The following R3HCC1L variants were observed in gnomAD, a reference collection of about 807,000 sequenced individuals.
R3HCC1L encodes the protein R3H domain and coiled-coil containing 1 like.
R3HCC1L carries 51 observed loss-of-function variants against 59.9 expected under a neutral mutation model. The observed-to-expected ratio is 0.85, with a 90% CI of 0.68 to 1.07. The LOEUF (loss-of-function observed/expected upper bound fraction) is 1.07. Ranked by LOEUF, R3HCC1L falls within the 50% of genes least tolerant of loss-of-function variation. The pLI is 0.00. For missense variants in R3HCC1L, 965 were observed against 933.0 expected (o/e 1.03, Z -0.45); for synonymous variants, 322 against 315.2 (o/e 1.02, Z -0.23).
chr10:98,171,030 T>C (rs1216601868), intron 4 of R3HCC1L, among the ~76,000 whole-genome samples: 1 of 152,194 alleles, frequency 6.6e-6, no homozygotes, highest in African/African-American at 2.4e-5. Context: ...CACACTTAAT[T>C]ATTTGTGGCC....
At position 98,209,533 on chromosome 10, in the gene R3HCC1L, A is replaced by G; in HGVS notation, c.1419A>G (p.Leu473=). The G allele has an allele frequency of 6.2e-7, 1 of 1,613,840 alleles. No homozygotes were observed. Among genetic ancestry groups the G allele is most frequent in the South Asian group, 1.1e-5 (1 of 91,086 alleles). The part of the protein sequence containing the change: ...IESLSDCASS[L]PIKKIAGSNY... ...GCTTGTCAGATTGTGCTTCCTCCTT[A>G]CCTATAAAAAAGATTGCTGGTAGTA... The change falls in exon 5 of 10, where the codon TTA becomes TTG. Residue 473 remains leucine, a synonymous_variant. Coordinates refer to ENST00000298999, the MANE Select transcript of R3HCC1L (RefSeq NM_001351015.2).
intron 4 of R3HCC1L, among the ~76,000 whole-genome samples, chr10:98,205,147 A>G (rs1852496099): frequency 6.6e-6 from 1 of 152,236 alleles, no homozygotes; most frequent in African/African-American, 2.4e-5. Flanking sequence ...AAAAGCTAAT[A>G]AATACTTCAA....
rs187559436 is a variant in R3HCC1L, at chr10:98,162,208, T to C, written c.-212-675T>C. Among the ~76,000 whole-genome samples, 259 of 152,338 alleles carry C rather than the reference T, an allele frequency of 1.7e-3. 1 individual carries two copies. Among genetic ancestry groups the C allele is most frequent in the Admixed American group, 7.8e-3 (119 of 15,296 alleles). On this transcript the variant is annotated intron_variant, in intron 2 of 9. Coordinates refer to ENST00000298999, the MANE Select transcript of R3HCC1L (RefSeq NM_001351015.2). Reference sequence around the variant, plus strand: ...CATAATTTATTTAACCTGGCTGATATTGGTGGACATTAAAGTTATTTAAAA... The same window carrying C: ...CATAATTTATTTAACCTGGCTGATACTGGTGGACATTAAAGTTATTTAAAA...
intron 1 of R3HCC1L, among the ~76,000 whole-genome samples, chr10:98,143,931 T>A (rs1845414042): frequency 1.3e-5 from 2 of 152,212 alleles, no homozygotes; most frequent in Admixed American, 6.5e-5. Context: ...TATTCTGTTT[T>A]CTGTGTGTCT....
intron 1 of R3HCC1L, among the ~76,000 whole-genome samples, chr10:98,137,858 T>C (rs1844746880): frequency 6.6e-6 from 1 of 152,252 alleles, no homozygotes; most frequent in Non-Finnish European, 1.5e-5. Flanking sequence ...TAGACGTTTA[T>C]GGAACAGTTT....
rs1424101193 is a variant in R3HCC1L, at chr10:98,208,493, A to C, written c.379A>C (p.Asn127His). The C allele has an allele frequency of 6.2e-7, 1 of 1,614,202 alleles. No homozygotes were observed. The highest frequency in any genetic ancestry group is 1.7e-5 in the Admixed American group (1 of 60,026). Residue 127 changes from asparagine (N) to histidine (H), a missense_variant, in exon 5 of 10, where the codon AAT (asparagine) becomes CAT (histidine). Coordinates refer to ENST00000298999, the MANE Select transcript of R3HCC1L (RefSeq NM_001351015.2). ...CCAAGGACAACAGCAGGGAGCCCCA[A>C]ATGCTGGGGTTATAACTAATGCACC... The part of the protein sequence containing the change: ...LSQGQQQGAP[N>H]AGVITNAPLQ...
chr10:98,207,324 GA>G (rs1852806472), intron 4 of R3HCC1L, among the ~76,000 whole-genome samples: 1 of 152,146 alleles, frequency 6.6e-6, no homozygotes, highest in African/African-American at 2.4e-5. Context: ...AGTAGATAAA[GA>G]TTTTTTTAAC....
Position 98,208,993 on chromosome 10 carries a change from C to CAATA in R3HCC1L, c.880_883dup (p.Ser295LysfsTer2). 1 of 1,613,816 alleles carries CAATA rather than the reference C, an allele frequency of 6.2e-7. No individual in the cohort carries two copies. The highest frequency in any genetic ancestry group is 8.5e-7 in the Non-Finnish European group (1 of 1,179,850). ...AAGTTGAGAGTGTAGGTGGTATAGC[C>CAATA]AATAGTACAGGTTTCATCTTAGATC... is the stretch of plus-strand genomic sequence containing the variant. On this transcript the variant is annotated frameshift_variant, in exon 5 of 10. Transcript: ENST00000298999. LOFTEE classifies it high-confidence loss of function.
chr10:98,156,884 T>C (rs2134110762), intron 2 of R3HCC1L, among the ~76,000 whole-genome samples: 1 of 152,370 alleles, frequency 6.6e-6, no homozygotes, highest in South Asian at 2.1e-4. Flanking sequence ...ACTCAGTCTT[T>C]CCTAAATTTG....
chr10:98,222,126 A>G (rs1298768325), intron 5 of R3HCC1L, among the ~76,000 whole-genome samples: 1 of 151,982 alleles, frequency 6.6e-6, no homozygotes, highest in East Asian at 1.9e-4. Flanking sequence ...TAGGTATTTT[A>G]TTCTTTTTGA....
intron 4 of R3HCC1L, among the ~76,000 whole-genome samples, chr10:98,205,472 A>T (rs1439435099): frequency 1.3e-5 from 2 of 152,076 alleles, no homozygotes; most frequent in Admixed American, 1.3e-4. Flanking sequence ...TATTGTAACT[A>T]AAAAAAAGTA....
intron 9 of R3HCC1L, among the ~76,000 whole-genome samples, chr10:98,239,768 G>A (rs1009484440): frequency 3.9e-4 from 60 of 152,114 alleles, no homozygotes; most frequent in Non-Finnish European, 1.3e-4. Flanking sequence ...CACGATCACA[G>A]CTCTCTGCAG....
At chr10:98,141,160 T>G (rs1194076009) in intron 1 of R3HCC1L, among the ~76,000 whole-genome samples, 1 of 152,238 alleles carries the variant, frequency 6.6e-6, no homozygotes, top group Non-Finnish European at 1.5e-5. Context: ...TTTTGGCACT[T>G]AGGTACTTTC....
intron 4 of R3HCC1L, among the ~76,000 whole-genome samples, chr10:98,195,811 T>C (rs1851370952): frequency 6.6e-6 from 1 of 152,182 alleles, no homozygotes; most frequent in Admixed American, 6.5e-5. Flanking sequence ...TGTATAAAAA[T>C]TCATCGATAA....
At chr10:98,194,256 G>C (rs1167636852) in intron 4 of R3HCC1L, among the ~76,000 whole-genome samples, 2 of 152,072 alleles carry the variant, frequency 1.3e-5, no homozygotes, top group African/African-American at 2.4e-5. Context: ...AATAAATCGT[G>C]TTGGGAAAAC....
At chr10:98,142,968 C>CAA (rs143821810) in intron 1 of R3HCC1L, among the ~76,000 whole-genome samples, 48 of 147,640 alleles carry the variant, frequency 3.3e-4, no homozygotes, top group East Asian at 7.9e-4. Context: ...CAAAACAAAA[C>CAA]AAAAAAAAAA....
intron 4 of R3HCC1L, among the ~76,000 whole-genome samples, chr10:98,177,342 C>T (rs958902325): frequency 3.3e-5 from 5 of 152,104 alleles, no homozygotes; most frequent in African/African-American, 1.2e-4. Flanking sequence ...TATCCACGTC[C>T]CTACAAAGGA....
chr10:98,225,990 G>A (rs557651716), intron 5 of R3HCC1L, among the ~76,000 whole-genome samples: 1 of 152,132 alleles, frequency 6.6e-6, no homozygotes, highest in Admixed American at 6.5e-5. Flanking sequence ...GGGATTACAG[G>A]TGTGTGCCTC....
chr10:98,194,409 C>T (rs1000919282), intron 4 of R3HCC1L, among the ~76,000 whole-genome samples: 2 of 152,034 alleles, frequency 1.3e-5, no homozygotes, highest in African/African-American at 4.8e-5. Flanking sequence ...TTGCATATGA[C>T]ATCAAAAGCA....
Sources: gnomAD v4.1 joint callset for allele counts (sites outside exome capture counted in the v4.1 genomes callset) on GRCh38, gnomAD v4.1.1 for gene constraint, MANE v1.5 for transcripts, NCBI Gene and HGNC (gene_info 2026-07-23, HGNC 2026-07-21) for gene names.